CREB5: variants seen among roughly 807,000 people sequenced by gnomAD.
CREB5 encodes the protein cAMP responsive element binding protein 5.
CREB5 carries 19 observed loss-of-function variants against 57.1 expected under a neutral mutation model. The ratio of observed to expected loss-of-function variants is 0.33; its 90% CI spans 0.23 to 0.49. The LOEUF (loss-of-function observed/expected upper bound fraction) is 0.49. CREB5 is among the 20% of genes least tolerant of loss of function. The pLI, the probability that CREB5 is intolerant of heterozygous loss-of-function variation, is 0.99. For synonymous variants in CREB5, 238 were observed against 238.3 expected, an observed-to-expected ratio of 1.00 and a Z score of 0.01; for missense variants, 579 against 671.6, an observed-to-expected ratio of 0.86 and a Z score of 1.52.
At chr7:28,761,535 C>T (rs1272554703) in intron 7 of CREB5, among the ~76,000 whole-genome samples, 4 of 152,130 alleles carry the variant, frequency 2.6e-5, no homozygotes, top group Admixed American at 6.5e-5. Flanking sequence ...CCAACCAGTA[C>T]ATTTATCCAA....
chr7:28,301,167 A>G (rs1355616480), intron 1 of CREB5, among the ~76,000 whole-genome samples: 7 of 152,196 alleles, frequency 4.6e-5, no homozygotes, highest in Admixed American at 4.6e-4. Flanking sequence ...TTTGATTAGG[A>G]ACTGTTCAGG....
intron 5 of CREB5, among the ~76,000 whole-genome samples, chr7:28,623,676 CCA>C (rs1164084726): frequency 6.6e-6 from 1 of 152,176 alleles, no homozygotes; most frequent in Non-Finnish European, 1.5e-5. Context: ...AACTTTCTTT[CCA>C]TTTGATTCCC....
chr7:28,602,002 A>AT (rs1796936586), intron 5 of CREB5, among the ~76,000 whole-genome samples: 1 of 147,714 alleles, frequency 6.8e-6, no homozygotes, highest in Non-Finnish European at 1.5e-5. Flanking sequence ...GTGAATGTAT[A>AT]TTTTTATACA....
chr7:28,610,699 C>A (rs920359095), intron 5 of CREB5, among the ~76,000 whole-genome samples: 44 of 152,122 alleles, frequency 2.9e-4, no homozygotes, highest in African/African-American at 1.0e-3. Flanking sequence ...AGGTAAGGTT[C>A]ACTTTCTTGG....
At chr7:28,488,314 C>T (rs1464237921) in intron 2 of CREB5, 68 bp downstream of exon 2, 1 of 1,443,758 alleles carries the variant, frequency 6.9e-7, no homozygotes, top group Non-Finnish European at 9.7e-7. Context: ...CAACTCTCAC[C>T]CGGCAATCAT....
chr7:28,586,245 G>C (rs570677782), intron 5 of CREB5, among the ~76,000 whole-genome samples: 1 of 152,288 alleles, frequency 6.6e-6, no homozygotes, highest in Non-Finnish European at 1.5e-5. Flanking sequence ...TGTTTCTCTA[G>C]AGCCCTGATG....
At chr7:28,334,259 G>A (rs1785770966) in intron 1 of CREB5, among the ~76,000 whole-genome samples, 1 of 152,094 alleles carries the variant, frequency 6.6e-6, no homozygotes, top group Non-Finnish European at 1.5e-5. Flanking sequence ...AGGTTCAAGT[G>A]ATTCTCCTGC....
intron 1 of CREB5, among the ~76,000 whole-genome samples, chr7:28,371,585 C>T (rs981849116): frequency 1.3e-5 from 2 of 152,066 alleles, no homozygotes; most frequent in East Asian, 1.9e-4. Flanking sequence ...GAAAGCCCTG[C>T]GGGCAGCACC....
chr7:28,503,979 C>T (rs530976011), intron 3 of CREB5, among the ~76,000 whole-genome samples: 48 of 152,260 alleles, frequency 3.2e-4, no homozygotes, highest in South Asian at 2.7e-3. Context: ...AAAGCAAAGT[C>T]GATACCCACA....
chr7:28,466,656 T>C (rs933225531), intron 1 of CREB5, among the ~76,000 whole-genome samples: 2 of 152,062 alleles, frequency 1.3e-5, no homozygotes, highest in African/African-American at 4.8e-5. Context: ...AAATATGCCC[T>C]GAATGGTCTG....
intron 7 of CREB5, among the ~76,000 whole-genome samples, chr7:28,791,502 G>A (rs1190714719): frequency 6.6e-6 from 1 of 152,122 alleles, no homozygotes; most frequent in African/African-American, 2.4e-5. Context: ...TCCCTTTACT[G>A]ACTCCTAAGA....
chr7:28,440,912 C>T (rs367977768), intron 1 of CREB5, among the ~76,000 whole-genome samples: 37 of 152,196 alleles, frequency 2.4e-4, no homozygotes, highest in Non-Finnish European at 3.8e-4. Flanking sequence ...GAAGAGGGCA[C>T]GCTGAGGTTG....
At chr7:28,619,712 A>G (rs1388237938) in intron 5 of CREB5, among the ~76,000 whole-genome samples, 1 of 152,158 alleles carries the variant, frequency 6.6e-6, no homozygotes, top group Admixed American at 6.5e-5. Context: ...ATGAAATAAA[A>G]TAAGCCCACC....
chr7:28,637,745 C>T (rs1341040579), intron 5 of CREB5, among the ~76,000 whole-genome samples: 2 of 152,186 alleles, frequency 1.3e-5, no homozygotes. Context: ...ATAAAGATAT[C>T]TGAGTCCTTC....
At chr7:28,720,364 A>G (rs1272596637) in intron 6 of CREB5, among the ~76,000 whole-genome samples, 1 of 152,236 alleles carries the variant, frequency 6.6e-6, no homozygotes, top group Non-Finnish European at 1.5e-5. Flanking sequence ...GTGGGGATAC[A>G]GTAGCAGTAA....
intron 5 of CREB5, among the ~76,000 whole-genome samples, chr7:28,577,265 C>A (rs1231326426): frequency 1.3e-5 from 2 of 152,164 alleles, no homozygotes; most frequent in Non-Finnish European, 2.9e-5. Context: ...TTTATTCTCT[C>A]TTTTGGTTGT....
At chr7:28,610,888 C>CAT (rs763059916) in intron 5 of CREB5, among the ~76,000 whole-genome samples, 1,732 of 147,736 alleles carry the variant, frequency 0.012, 26 homozygotes, top group African/African-American at 0.038. Context: ...CGTGTGTGTG[C>CAT]GTGTGTGTGT....
At chr7:28,635,396 G>A (rs1798378794) in intron 5 of CREB5, among the ~76,000 whole-genome samples, 1 of 152,184 alleles carries the variant, frequency 6.6e-6, no homozygotes, top group African/African-American at 2.4e-5. Flanking sequence ...AGAGGAGGTG[G>A]TAGTGGTAAT....
At chr7:28,486,323 AC>A (rs532875500) in intron 1 of CREB5, among the ~76,000 whole-genome samples, 37 of 152,194 alleles carry the variant, frequency 2.4e-4, no homozygotes, top group African/African-American at 8.9e-4. Flanking sequence ...GAAAGCTGTG[AC>A]AATATACAAA....
Sources: gnomAD v4.1 joint callset for allele counts (sites outside exome capture counted in the v4.1 genomes callset) on GRCh38, gnomAD v4.1.1 for gene constraint, MANE v1.5 for transcripts, NCBI Gene and HGNC (gene_info 2026-07-23, HGNC 2026-07-21) for gene names.